The following IQGAP2 variants were observed in gnomAD, a reference collection of about 807,000 sequenced individuals.
IQGAP2 encodes the protein IQ motif containing GTPase activating protein 2.
In IQGAP2, 173 loss-of-function variants were observed where a neutral mutation model predicts 201.3. That is an observed-to-expected ratio of 0.86 (90% CI 0.76 to 0.98). The LOEUF (loss-of-function observed/expected upper bound fraction) is 0.98, where lower values mean the gene tolerates loss of function less well. Among genes scored for constraint, IQGAP2 ranks in the 50% least tolerant of loss-of-function variants. The probability of loss-of-function intolerance (pLI) is 0.00; values close to 1 mark genes in which losing one functional copy is unlikely to be tolerated. For missense variants in IQGAP2, 1,687 were observed against 1,864.8 expected (o/e 0.90, Z 1.76); for synonymous variants, 675 against 673.9 (o/e 1.00, Z -0.03).
rs1747129545 is a variant in IQGAP2 at position 76,597,620 on chromosome 5, C to T, written c.1071+18C>T. ...ACACCATGGTAAGTCAGAGGAGACCCCAGCTGTGGGGACGGTAACCCTGCG... is the reference window on the plus strand; with the variant it reads ...ACACCATGGTAAGTCAGAGGAGACCTCAGCTGTGGGGACGGTAACCCTGCG... On this transcript the variant is annotated intron_variant, in intron 10 of 35. Coordinates refer to ENST00000274364, the MANE Select transcript of IQGAP2 (RefSeq NM_006633.5). The T allele has an allele frequency of 1.9e-6, 3 of 1,613,344 alleles. No homozygotes were observed. The African/African-American group carries it at 4.0e-5, about 22-fold the overall frequency.
chr5:76,686,296 G>GTTTT (rs59286743), intron 30 of IQGAP2, among the ~76,000 whole-genome samples: 1 of 130,254 alleles, frequency 7.7e-6, no homozygotes. Context: ...CCGCACAAAT[G>GTTTT]TTTTTTTTTT....
intron 1 of IQGAP2, among the ~76,000 whole-genome samples, chr5:76,429,530 C>T (rs1752214980): frequency 6.8e-6 from 1 of 148,030 alleles, no homozygotes; most frequent in Non-Finnish European, 1.5e-5. Context: ...CAAGATCGCA[C>T]CATTGCACTC....
chr5:76,462,501 C>T (rs2150127021), intron 2 of IQGAP2, among the ~76,000 whole-genome samples: 1 of 152,270 alleles, frequency 6.6e-6, no homozygotes, highest in Non-Finnish European at 1.5e-5. Context: ...ATTGAGAGAA[C>T]TTTATCCTTT....
intron 2 of IQGAP2, among the ~76,000 whole-genome samples, chr5:76,465,945 A>G (rs563029731): frequency 2.0e-5 from 3 of 152,326 alleles, no homozygotes; most frequent in South Asian, 2.1e-4. Flanking sequence ...TAAGAAAACA[A>G]TGGTCCCAAA....
intron 13 of IQGAP2, among the ~76,000 whole-genome samples, chr5:76,611,741 C>T (rs1237610299): frequency 6.6e-6 from 1 of 152,140 alleles, no homozygotes; most frequent in Non-Finnish European, 1.5e-5. Flanking sequence ...CAGAAGCTGT[C>T]CTCTCGAAGA....
Position 76,459,364 on chromosome 5 carries a change from T to C in IQGAP2, c.47-2206T>C, listed in dbSNP as rs534577328. ...GAGAGCACCGCCTTTTTAATGTGAC[T>C]CCAGTGCCCACTCTTCCAAGTTGGG... is the stretch of plus-strand genomic sequence containing the variant. On this transcript the variant is annotated intron_variant, in intron 1 of 35. Coordinates refer to ENST00000274364, the MANE Select transcript of IQGAP2 (RefSeq NM_006633.5). Among the ~76,000 whole-genome samples, 55 of 152,112 alleles carry C rather than the reference T, an allele frequency of 3.6e-4. 1 individual carries two copies. The South Asian group carries it at 9.3e-3, about 26-fold the overall frequency.
At chr5:76,688,494 G>A (rs1745982149) in intron 30 of IQGAP2, among the ~76,000 whole-genome samples, 1 of 152,190 alleles carries the variant, frequency 6.6e-6, no homozygotes, top group South Asian at 2.1e-4. Flanking sequence ...CCTATGTAGT[G>A]CTTACCATGG....
Position 76,589,474 on chromosome 5 carries a change from A to G in IQGAP2, c.527-141A>G. ...GTTTGTGAAATGAGAAACTTGGGCT[A>G]GGTTCTTCCTAAGGCTCTTGTTTAC... On this transcript the variant is annotated intron_variant, in intron 6 of 35. Coordinates refer to ENST00000274364, the MANE Select transcript of IQGAP2 (RefSeq NM_006633.5). 1.0e-5 allele frequency: 5 copies of G among 499,758 alleles called. No individual in the cohort carries two copies. In the South Asian group the frequency reaches 1.7e-4, roughly 17 times the overall value. 31.0% of individuals were successfully genotyped at this position (499,758 alleles called of 1,614,324 possible).
At chr5:76,484,982 C>G (rs1756028858) in intron 2 of IQGAP2, among the ~76,000 whole-genome samples, 1 of 152,174 alleles carries the variant, frequency 6.6e-6, no homozygotes. Context: ...GTGTATGCCA[C>G]CATGCCTGGC....
chr5:76,484,577 T>G (rs1755996508), intron 2 of IQGAP2, among the ~76,000 whole-genome samples: 1 of 152,198 alleles, frequency 6.6e-6, no homozygotes, highest in South Asian at 2.1e-4. Flanking sequence ...AAAAAATTTT[T>G]TTTTCTTTAG....
chr5:76,642,796 A>G (rs2455234), intron 17 of IQGAP2, among the ~76,000 whole-genome samples: 51,982 of 152,024 alleles, frequency 0.34, 9,127 homozygotes, highest in Non-Finnish European at 0.39. Flanking sequence ...GAGGCCAGCT[A>G]TACTCCGGCT....
At chr5:76,691,090 T>C (rs917783935) in intron 30 of IQGAP2, among the ~76,000 whole-genome samples, 2 of 152,232 alleles carry the variant, frequency 1.3e-5, no homozygotes, top group African/African-American at 4.8e-5. Flanking sequence ...TGGCTTTAAA[T>C]CTGTCCGTCC....
Position 76,478,591 on chromosome 5 carries a change from C to T in IQGAP2, c.146+16922C>T, listed in dbSNP as rs189631757. On this transcript the variant is annotated intron_variant, in intron 2 of 35. Transcript: ENST00000274364. ...GGCGTGAGCCAGGCGTGGTTGTGCG[C>T]ACATGTAATCCCAGCTACAGGCCGG... 1.5e-3 allele frequency among the ~76,000 whole-genome samples: 223 copies of T among 152,252 alleles called. 2 individuals carry two copies. The South Asian group carries it at 0.028, about 19-fold the overall frequency.
Position 76,600,951 on chromosome 5 carries a change from T to C in IQGAP2, c.1211T>C (p.Leu404Pro), listed in dbSNP as rs374157441. The C allele has an allele frequency of 6.8e-6, 11 of 1,613,950 alleles. No individual in the cohort carries two copies. The African/African-American group carries it at 1.5e-4, about 22-fold the overall frequency. ...AGCCCCGCAATAGGCTTAAACAATCTGGACAAGGCATATGTGGAACGGTAA... is the reference window on the plus strand; with the variant it reads ...AGCCCCGCAATAGGCTTAAACAATCCGGACAAGGCATATGTGGAACGGTAA... ...LRSPAIGLNN[L>P]DKAYVERYAN... The change falls in exon 11 of 36, where the codon CTG (leucine) becomes CCG (proline). Residue 404 changes from leucine to proline, a missense_variant. Physicochemically the swap from Leu to Pro is moderately conservative, Grantham distance 98. Coordinates refer to ENST00000274364, the MANE Select transcript of IQGAP2 (RefSeq NM_006633.5).
chr5:76,660,995 A>C (rs3797441), intron 21 of IQGAP2, among the ~76,000 whole-genome samples: 29,121 of 152,198 alleles, frequency 0.19, 3,506 homozygotes, highest in Non-Finnish European at 0.28. Context: ...ATAGTGCCTA[A>C]GGTAGTATGA....
In IQGAP2 at chr5:76,575,728, G is replaced by T. The variant is rs773841096; in HGVS notation, c.417G>T (p.Arg139=). The T allele has an allele frequency of 5.6e-6, 9 of 1,594,964 alleles. No homozygotes were observed. The South Asian group carries it at 9.1e-5, about 16-fold the overall frequency. Residue 139 remains arginine, a synonymous_variant, in exon 5 of 36, where the codon CGG becomes CGT. Coordinates refer to ENST00000274364, the MANE Select transcript of IQGAP2 (RefSeq NM_006633.5). The part of the protein sequence containing the change: ...FYPETTDVYD[R]KNIPRMIYCI... ...CAGAAACAACAGATGTCTATGATCG[G>T]AAAAACATACCAAGAATGATATATT...
intron 1 of IQGAP2, among the ~76,000 whole-genome samples, chr5:76,435,841 G>A (rs960226154): frequency 1.2e-4 from 19 of 152,230 alleles, no homozygotes; most frequent in Admixed American, 1.2e-3. Context: ...ACGTTTGCTT[G>A]TATCATCTGT....
At chr5:76,550,397 G>A (rs1256675130) in intron 2 of IQGAP2, among the ~76,000 whole-genome samples, 3 of 146,180 alleles carry the variant, frequency 2.1e-5, no homozygotes, top group Non-Finnish European at 3.0e-5. Flanking sequence ...GGTGTTTCTC[G>A]GAGTGGGGGA....
At chr5:76,462,682 C>T (rs903643366) in intron 2 of IQGAP2, among the ~76,000 whole-genome samples, 4 of 152,166 alleles carry the variant, frequency 2.6e-5, no homozygotes, top group Non-Finnish European at 4.4e-5. Context: ...TATCTCTGAT[C>T]ACTGATGAAT....
Sources: gnomAD v4.1 joint callset for allele counts (sites outside exome capture counted in the v4.1 genomes callset) on GRCh38, gnomAD v4.1.1 for gene constraint, MANE v1.5 for transcripts, NCBI Gene and HGNC (gene_info 2026-07-23, HGNC 2026-07-21) for gene names.